The following PTPRD variants were observed in gnomAD, a reference collection of about 807,000 sequenced individuals.
PTPRD encodes protein tyrosine phosphatase receptor type D.
A neutral mutation model predicts 214.5 loss-of-function variants in PTPRD; 34 were observed. That is an observed-to-expected ratio of 0.16 (90% CI 0.12 to 0.21). The LOEUF (loss-of-function observed/expected upper bound fraction) is 0.21, where lower values mean the gene tolerates loss of function less well. Ranked by LOEUF, PTPRD falls within the 10% of genes least tolerant of loss-of-function variation. The pLI, the probability that PTPRD is intolerant of heterozygous loss-of-function variation, is 1.00. For missense variants in PTPRD, 2,545 were observed against 2,398.7 expected (o/e 1.06, Z -1.27); for synonymous variants, 1,128 against 845.7 (o/e 1.33, Z -5.79).
At chr9:9,587,025 T>C (rs975219679) in intron 7 of PTPRD, among the ~76,000 whole-genome samples, 1 of 151,908 alleles carries the variant, frequency 6.6e-6, no homozygotes, top group African/African-American at 2.4e-5. Context: ...ATCATAGCAA[T>C]GTTGAAAAAT....
intron 8 of PTPRD, among the ~76,000 whole-genome samples, chr9:9,467,043 T>C (rs1371538552): frequency 2.0e-5 from 3 of 152,168 alleles, no homozygotes; most frequent in African/African-American, 7.2e-5. Context: ...ATTTTTTACA[T>C]GATGATATCA....
chr9:10,505,351 T>C (rs145619695), intron 2 of PTPRD, among the ~76,000 whole-genome samples: 4 of 152,164 alleles, frequency 2.6e-5, no homozygotes, highest in Non-Finnish European at 5.9e-5. Flanking sequence ...ACACATATTG[T>C]AGTTTTCATG....
intron 11 of PTPRD, among the ~76,000 whole-genome samples, chr9:8,952,343 C>G (rs540845293): frequency 6.6e-6 from 1 of 152,030 alleles, no homozygotes; most frequent in African/African-American, 2.4e-5. Flanking sequence ...TAATTGTCAT[C>G]AACGTACTGC....
At chr9:8,668,838 T>C (rs1392988547) in intron 12 of PTPRD, among the ~76,000 whole-genome samples, 1 of 152,182 alleles carries the variant, frequency 6.6e-6, no homozygotes, top group Non-Finnish European at 1.5e-5. Flanking sequence ...GTGCAAAGTA[T>C]TCCAAAAGTT....
intron 3 of PTPRD, among the ~76,000 whole-genome samples, chr9:10,295,971 T>C (rs1179510471): frequency 1.3e-5 from 2 of 152,040 alleles, no homozygotes; most frequent in African/African-American, 4.8e-5. Context: ...CTTCATTTTC[T>C]CAGTGTAAGG....
rs148736380 is a variant in PTPRD at position 9,349,162 on chromosome 9, A to C, written c.-203+48287T>G. The stretch of plus-strand genomic sequence containing the variant: ...AAATAATTCACTCGACGTAAATCTG[A>C]TCATATCACTTCTCTGCTTACATAT... On this transcript the variant is annotated intron_variant, in intron 9 of 45. Transcript: ENST00000381196. Among the ~76,000 whole-genome samples the C allele has an allele frequency of 2.4e-3, 371 of 152,194 alleles. 1 individual carries two copies. Among genetic ancestry groups the C allele is most frequent in the African/African-American group, 8.6e-3 (358 of 41,554 alleles).
chr9:10,337,000 A>G (rs1023215013), intron 3 of PTPRD, among the ~76,000 whole-genome samples: 1 of 151,426 alleles, frequency 6.6e-6, no homozygotes, highest in Non-Finnish European at 1.5e-5. Context: ...CATCTGACAA[A>G]CTAGACAAGG....
chr9:8,373,870 C>G (rs1350377726), intron 39 of PTPRD, among the ~76,000 whole-genome samples: 38 of 10,800 alleles, frequency 3.5e-3, no homozygotes, highest in African/African-American at 6.9e-3. Context: ...GTCTGTCTAT[C>G]TATCTATCTA....
chr9:9,744,038 CTT>C (rs1398598938), intron 6 of PTPRD, among the ~76,000 whole-genome samples: 1 of 152,034 alleles, frequency 6.6e-6, no homozygotes, highest in African/African-American at 2.4e-5. Flanking sequence ...ATTTGTAAGA[CTT>C]TTACATATAC....
chr9:9,478,244 G>T (rs1369289611), intron 8 of PTPRD, among the ~76,000 whole-genome samples: 2 of 152,066 alleles, frequency 1.3e-5, no homozygotes, highest in African/African-American at 4.8e-5. Context: ...CAGATTAACT[G>T]CATGGGTATC....
rs1219631134 is a variant in PTPRD, at chr9:8,317,531, A to G, written c.*343T>C. 26 of 274,578 alleles carry G rather than the reference A, an allele frequency of 9.5e-5. No individual in the cohort carries two copies. Among genetic ancestry groups the G allele is most frequent in the Non-Finnish European group, 1.6e-4 (22 of 140,590 alleles). 17.0% of individuals were successfully genotyped at this position (274,578 alleles called of 1,614,324 possible). A position where few individuals can be genotyped will look rare whatever the true frequency, so the allele number is the denominator to read the frequency against. On this transcript the variant is annotated 3_prime_UTR_variant, in exon 46 of 46. Transcript: ENST00000381196. ...TGTGCTGAACTGCAGCATTCTGGCA[A>G]TTTCTCCTTGCACCTTTCAAGCAAT...
intron 14 of PTPRD, among the ~76,000 whole-genome samples, chr9:8,553,440 T>C (rs887486763): frequency 4.6e-5 from 7 of 152,146 alleles, no homozygotes; most frequent in Non-Finnish European, 7.3e-5. Flanking sequence ...TTCTGATAAG[T>C]TGAAGTAGTG....
At chr9:8,634,123 C>A (rs2096350942) in intron 13 of PTPRD, among the ~76,000 whole-genome samples, 1 of 151,722 alleles carries the variant, frequency 6.6e-6, no homozygotes. Flanking sequence ...CTTCACCAGG[C>A]AGAAAATTAA....
chr9:8,468,363 C>T (rs1021962620), intron 31 of PTPRD, among the ~76,000 whole-genome samples: 2 of 151,958 alleles, frequency 1.3e-5, no homozygotes, highest in African/African-American at 4.8e-5. Context: ...CAGTGAAAAG[C>T]TCATGATCTA....
intron 2 of PTPRD, among the ~76,000 whole-genome samples, chr9:10,446,481 C>T (rs1326097442): frequency 1.5e-5 from 2 of 136,454 alleles, no homozygotes; most frequent in East Asian, 4.3e-4. Context: ...TGAAATTCTC[C>T]TCTTTTAGTG....
At chr9:10,439,464 G>A (rs1486212311) in intron 2 of PTPRD, among the ~76,000 whole-genome samples, 1 of 151,802 alleles carries the variant, frequency 6.6e-6, no homozygotes, top group East Asian at 1.9e-4. Flanking sequence ...GGATTGTTAA[G>A]CTTGAAGTTA....
chr9:8,349,917 T>C (rs1185303506), intron 39 of PTPRD, among the ~76,000 whole-genome samples: 3 of 145,918 alleles, frequency 2.1e-5, no homozygotes, highest in Non-Finnish European at 4.5e-5. Flanking sequence ...AACCAAATTA[T>C]TGCTAAACTT....
intron 8 of PTPRD, among the ~76,000 whole-genome samples, chr9:9,541,779 A>C (rs1026448171): frequency 7.2e-5 from 11 of 151,796 alleles, no homozygotes; most frequent in African/African-American, 2.4e-4. Context: ...TTTCCAGAGT[A>C]AGTCAGTGGT....
At chr9:9,720,598 TC>T in intron 7 of PTPRD, among the ~76,000 whole-genome samples, 1 of 152,212 alleles carries the variant, frequency 6.6e-6, no homozygotes, top group African/African-American at 2.4e-5. Context: ...TGAATCTAAA[TC>T]CCATGCAGGT....
Sources: allele counts gnomAD v4.1 joint callset (sites outside exome capture counted in the v4.1 genomes callset), GRCh38; gene constraint gnomAD v4.1.1; transcripts MANE v1.5; gene names NCBI Gene and HGNC (gene_info 2026-07-23, HGNC 2026-07-21).